FUT9: variants seen among roughly 807,000 people sequenced by gnomAD.
FUT9 encodes 4-galactosyl-N-acetylglucosaminide 3-alpha-L-fucosyltransferase 9.
Under a neutral mutation model 29.7 loss-of-function variants are expected in FUT9, and 15 were observed. The ratio of observed to expected loss-of-function variants is 0.51; its 90% confidence interval spans 0.34 to 0.78. The LOEUF is 0.78. Among genes scored for constraint, FUT9 ranks in the 30% least tolerant of loss-of-function variants. The pLI is 0.01. For missense variants in FUT9, 319 were observed against 425.4 expected, an observed-to-expected ratio of 0.75 and a Z score of 2.20; for synonymous variants, 169 against 153.7, an observed-to-expected ratio of 1.10 and a Z score of -0.74.
At chr6:96,073,513 G>A (rs903661261) in intron 1 of FUT9, among the ~76,000 whole-genome samples, 3 of 151,840 alleles carry the variant, frequency 2.0e-5, no homozygotes, top group South Asian at 2.1e-4. Context: ...TGCAACGCAA[G>A]TAAAGGCCTA....
chr6:96,099,702 T>G (rs1169787297), intron 1 of FUT9, among the ~76,000 whole-genome samples: 1 of 152,090 alleles, frequency 6.6e-6, no homozygotes, highest in Non-Finnish European at 1.5e-5. Context: ...AATGTCATCA[T>G]TTTATGCCTG....
chr6:96,081,478 G>A (rs1169120881), intron 1 of FUT9, among the ~76,000 whole-genome samples: 1 of 151,652 alleles, frequency 6.6e-6, no homozygotes, highest in African/African-American at 2.4e-5. Flanking sequence ...TAGTTCATTT[G>A]TTTTTATTGT....
chr6:96,095,063 C>G (rs1407046180), intron 1 of FUT9, among the ~76,000 whole-genome samples: 1 of 151,998 alleles, frequency 6.6e-6, no homozygotes, highest in Non-Finnish European at 1.5e-5. Context: ...ACGTCCTCTT[C>G]GTGATATGTG....
At chr6:96,066,790 A>G (rs1376330874) in intron 1 of FUT9, among the ~76,000 whole-genome samples, 1 of 152,108 alleles carries the variant, frequency 6.6e-6, no homozygotes, top group East Asian at 1.9e-4. Context: ...GAATAGACAT[A>G]GTAAAGATTT....
At chr6:96,153,263 C>A (rs577300364) in intron 2 of FUT9, among the ~76,000 whole-genome samples, 1 of 152,286 alleles carries the variant, frequency 6.6e-6, no homozygotes, top group African/African-American at 2.4e-5. Flanking sequence ...ATCAGACCAT[C>A]TGGGACTGTA....
At chr6:96,089,140 G>T (rs1251072329) in intron 1 of FUT9, among the ~76,000 whole-genome samples, 1 of 152,050 alleles carries the variant, frequency 6.6e-6, no homozygotes, top group East Asian at 1.9e-4. Context: ...AGATCTGAAG[G>T]GTTGCTCCTT....
chr6:96,181,004 A>G (rs1162098483), intron 2 of FUT9, among the ~76,000 whole-genome samples: 1 of 152,018 alleles, frequency 6.6e-6, no homozygotes, highest in Non-Finnish European at 1.5e-5. Flanking sequence ...TTTAAAAATA[A>G]CATACATAGT....
intron 2 of FUT9, among the ~76,000 whole-genome samples, chr6:96,124,419 G>A (rs968464881): frequency 6.6e-6 from 1 of 151,798 alleles, no homozygotes; most frequent in Non-Finnish European, 1.5e-5. Flanking sequence ...CAAAGTGCTG[G>A]GATTACAGGC....
At chr6:96,019,421 A>G (rs1283196447) in intron 1 of FUT9, among the ~76,000 whole-genome samples, 3 of 152,116 alleles carry the variant, frequency 2.0e-5, no homozygotes, top group East Asian at 1.9e-4. Context: ...ATGTCTCTAT[A>G]TTATAAAATG....
At chr6:96,130,634 T>C (rs1265492930) in intron 2 of FUT9, among the ~76,000 whole-genome samples, 1 of 152,214 alleles carries the variant, frequency 6.6e-6, no homozygotes. Flanking sequence ...TGTTTTTACA[T>C]ATTATTTTTA....
chr6:96,137,964 T>C (rs1399041165), intron 2 of FUT9, among the ~76,000 whole-genome samples: 4 of 149,966 alleles, frequency 2.7e-5, no homozygotes, highest in African/African-American at 9.7e-5. Context: ...AGAGGGCATA[T>C]GGAACATCCC....
At chr6:96,164,803 T>C (rs1332151608) in intron 2 of FUT9, among the ~76,000 whole-genome samples, 1 of 152,332 alleles carries the variant, frequency 6.6e-6, no homozygotes, top group Non-Finnish European at 1.5e-5. Context: ...TGGGGAGGCT[T>C]AGAATTTTAT....
At chr6:96,123,060 C>CAA (rs56330234) in intron 2 of FUT9, among the ~76,000 whole-genome samples, 2 of 64,970 alleles carry the variant, frequency 3.1e-5, no homozygotes, top group African/African-American at 1.4e-4. Context: ...GACTCAGTCT[C>CAA]AAAAAAAAAA....
intron 1 of FUT9, among the ~76,000 whole-genome samples, chr6:96,054,995 A>G (rs1280844795): frequency 1.3e-5 from 2 of 152,142 alleles, no homozygotes; most frequent in Non-Finnish European, 2.9e-5. Context: ...TTTTCATTAT[A>G]TCAATAATTA....
chr6:96,042,748 T>C (rs1277084141), intron 1 of FUT9, among the ~76,000 whole-genome samples: 1 of 152,110 alleles, frequency 6.6e-6, no homozygotes, highest in Non-Finnish European at 1.5e-5. Flanking sequence ...GTCCATTGAG[T>C]TTTATAGATG....
At chr6:96,064,223 A>T (rs2127945302) in intron 1 of FUT9, among the ~76,000 whole-genome samples, 1 of 152,298 alleles carries the variant, frequency 6.6e-6, no homozygotes, top group Admixed American at 6.5e-5. Flanking sequence ...TAATGTTATT[A>T]CCATGGTATT....
At chr6:96,100,055 A>G (rs1771560539) in intron 1 of FUT9, among the ~76,000 whole-genome samples, 1 of 152,142 alleles carries the variant, frequency 6.6e-6, no homozygotes, top group Non-Finnish European at 1.5e-5. Flanking sequence ...AAGGGGTATT[A>G]TTCATTAAGA....
chr6:96,054,050 G>A (rs939042574), intron 1 of FUT9, among the ~76,000 whole-genome samples: 1 of 152,180 alleles, frequency 6.6e-6, no homozygotes, highest in African/African-American at 2.4e-5. Flanking sequence ...GCAATAGAGT[G>A]TTGTTGTGGT....
intron 2 of FUT9, among the ~76,000 whole-genome samples, chr6:96,199,308 A>G (rs1194415164): frequency 6.6e-6 from 1 of 152,126 alleles, no homozygotes; most frequent in South Asian, 2.1e-4. Context: ...GGAGATGTCA[A>G]TTTGGCCCCA....
Sources: gnomAD v4.1 joint callset for allele counts (sites outside exome capture counted in the v4.1 genomes callset) on GRCh38, gnomAD v4.1.1 for gene constraint, MANE v1.5 for transcripts, NCBI Gene and HGNC (gene_info 2026-07-23, HGNC 2026-07-21) for gene names.